Variants in AGO1 observed in about 807,000 individuals in gnomAD.
AGO1 encodes the protein argonaute RISC component 1.
AGO1 carries 11 observed loss-of-function variants against 109.2 expected under a neutral mutation model. The observed-to-expected ratio is 0.10, with a 90% CI of 0.06 to 0.17. The LOEUF is 0.17. Among genes scored for constraint, AGO1 ranks in the 10% least tolerant of loss-of-function variants. The pLI, the probability that AGO1 is intolerant of heterozygous loss-of-function variation, is 1.00. For missense variants in AGO1, 574 were observed against 1,140.3 expected (o/e 0.50, Z 7.15); for synonymous variants, 422 against 418.6 (o/e 1.01, Z -0.10).
Position 35,923,257 on chromosome 1 carries a change from T to C in AGO1, c.*3650T>C, listed in dbSNP as rs184309288. The C allele has an allele frequency of 6.6e-6, 1 of 152,330 alleles. No individual in the cohort carries two copies. Among genetic ancestry groups the C allele is most frequent in the East Asian group, 1.9e-4 (1 of 5,188 alleles). The allele number at this position is 152,330 out of a possible 1,614,324, so 9.4% of individuals were successfully genotyped here. ...AGATAGCTTCTCTGTGGCCTCCTAT[T>C]TAGCTAAGCAGCAGTGTTTTTGGAT... On this transcript the variant is annotated 3_prime_UTR_variant, in exon 19 of 19. Transcript: ENST00000373204.
intron 8 of AGO1, among the ~76,000 whole-genome samples, chr1:35,897,937 A>G (rs1279921057): frequency 6.6e-6 from 1 of 152,200 alleles, no homozygotes; most frequent in African/African-American, 2.4e-5. Flanking sequence ...AGCCTGTAGT[A>G]ACCACTAATT....
chr1:35,918,017 C>T (rs1188389635), intron 16 of AGO1, among the ~76,000 whole-genome samples: 1 of 151,446 alleles, frequency 6.6e-6, no homozygotes, highest in Non-Finnish European at 1.5e-5. Flanking sequence ...TTATTGAACT[C>T]CTCCTATGTG....
intron 1 of AGO1, among the ~76,000 whole-genome samples, chr1:35,876,561 C>T (rs752974327): frequency 1.6e-4 from 25 of 152,216 alleles, no homozygotes; most frequent in Admixed American, 2.6e-4. Context: ...CCACTGTGCC[C>T]GGCTGGAAAT....
In AGO1 at chr1:35,921,633, A is replaced by G. The variant is rs768629161; in HGVS notation, c.*2026A>G. ...ATTTCCTCCCCTTAGCTGCCCTTGT[A>G]TGACCCGGATTTGCTATGCAAAACA... is the stretch of plus-strand genomic sequence containing the variant. On this transcript the variant is annotated 3_prime_UTR_variant, in exon 19 of 19. Coordinates refer to ENST00000373204, the MANE Select transcript of AGO1 (RefSeq NM_012199.5). 5 of 152,636 alleles carry G rather than the reference A, an allele frequency of 3.3e-5. No individual in the cohort carries two copies. Among genetic ancestry groups the G allele is most frequent in the African/African-American group, 4.8e-5 (2 of 41,428 alleles). The allele number at this position is 152,636 out of a possible 1,614,324, so 9.5% of individuals were successfully genotyped here.
intron 11 of AGO1, among the ~76,000 whole-genome samples, chr1:35,906,211 G>C (rs1645516561): frequency 6.6e-6 from 1 of 152,210 alleles, no homozygotes; most frequent in Non-Finnish European, 1.5e-5. Context: ...AACCAGTTGG[G>C]AAGGAGGGAA....
intron 1 of AGO1, among the ~76,000 whole-genome samples, chr1:35,877,271 C>A (rs1354138722): frequency 2.0e-5 from 3 of 152,174 alleles, no homozygotes; most frequent in Non-Finnish European, 4.4e-5. Context: ...TCTCTAGCTT[C>A]TTTTCTCAGT....
intron 12 of AGO1, among the ~76,000 whole-genome samples, chr1:35,913,253 T>C (rs181100582): frequency 5.9e-5 from 9 of 152,156 alleles, no homozygotes; most frequent in Non-Finnish European, 1.2e-4. Flanking sequence ...TCTCCTGACC[T>C]CATGATCCAC....
intron 2 of AGO1, among the ~76,000 whole-genome samples, chr1:35,890,963 A>G (rs1645206789): frequency 6.6e-6 from 1 of 152,226 alleles, no homozygotes; most frequent in Non-Finnish European, 1.5e-5. Context: ...ATGCACACAC[A>G]TATAAATATG....
chr1:35,885,731 G>A (rs1645110433), intron 1 of AGO1, among the ~76,000 whole-genome samples: 1 of 152,258 alleles, frequency 6.6e-6, no homozygotes, highest in Non-Finnish European at 1.5e-5. Flanking sequence ...ACAGTGGACT[G>A]GGTGCTCCCT....
chr1:35,919,458 C>A lies in AGO1; in HGVS notation c.2466-41C>A. On this transcript the variant is annotated intron_variant, in intron 18 of 18. Transcript: ENST00000373204. The surrounding 1 kb of genome is among the most constrained non-coding windows in gnomAD (Gnocchi z 6.6). ...GGGCGAGGGAATTAGCAGCAGCTCT[C>A]AGTTCACCAGGAAGGACTTCTTTCA... 6.4e-7 allele frequency: 1 copy of A among 1,567,434 alleles called. No homozygotes were observed. Among genetic ancestry groups the A allele is most frequent in the Non-Finnish European group, 8.7e-7 (1 of 1,149,206 alleles).
chr1:35,882,130 A>G (rs1191391568), upstream of AGO1, among the ~76,000 whole-genome samples: 1 of 152,238 alleles, frequency 6.6e-6, no homozygotes, highest in Non-Finnish European at 1.5e-5. The surrounding 1 kb of genome is among the most constrained non-coding windows in gnomAD (Gnocchi z 5.1). Flanking sequence ...CAGGGCAAGT[A>G]TGTTTGTGAG....
intron 1 of AGO1, among the ~76,000 whole-genome samples, chr1:35,885,010 A>G (rs957437779): frequency 1.6e-5 from 2 of 121,896 alleles, no homozygotes; most frequent in Admixed American, 1.7e-4. Context: ...CCACCCTCCC[A>G]AGGAAATAGC....
intron 2 of AGO1, among the ~76,000 whole-genome samples, chr1:35,892,297 T>C (rs1376299862): frequency 6.6e-6 from 1 of 152,226 alleles, no homozygotes; most frequent in Admixed American, 6.5e-5. Context: ...CTTGGTGATC[T>C]GAGGACCAGC....
chr1:35,888,220 T>A lies in AGO1; in HGVS notation c.26-207T>A, dbSNP rs757879873. 6.6e-6 allele frequency among the ~76,000 whole-genome samples: 1 copy of A among 152,158 alleles called. No homozygotes were observed. The highest frequency in any genetic ancestry group is 1.5e-5 in the Non-Finnish European group (1 of 68,042). ...AAATAGACAATAAGGATAATTTTCC[T>A]AACTGGAGAGAGATTAAAAAAGAAA... On this transcript the variant is annotated intron_variant, in intron 1 of 18. Transcript: ENST00000373204. The surrounding 1 kb of genome is among the most constrained non-coding windows in gnomAD (Gnocchi z 4.1).
chr1:35,875,419 T>G (rs919486469), intron 1 of AGO1, among the ~76,000 whole-genome samples: 2 of 152,090 alleles, frequency 1.3e-5, no homozygotes, highest in Non-Finnish European at 2.9e-5. Context: ...ACTGATTTAT[T>G]TATTTATTTT....
chr1:35,898,817 T>C (rs1429830707), intron 8 of AGO1, among the ~76,000 whole-genome samples: 1 of 152,234 alleles, frequency 6.6e-6, no homozygotes, highest in African/African-American at 2.4e-5. Context: ...ATGTAGGTCA[T>C]TGAGTGTCCA....
At chr1:35,890,413 A>G (rs1166191138) in intron 2 of AGO1, among the ~76,000 whole-genome samples, 1 of 152,142 alleles carries the variant, frequency 6.6e-6, no homozygotes, top group Non-Finnish European at 1.5e-5. Context: ...CACCCAAAAC[A>G]TAGGGTTCTT....
chr1:35,918,479 A>T (rs1645774374), intron 17 of AGO1, 56 bp downstream of exon 17: 1 of 1,311,448 alleles, frequency 7.6e-7, no homozygotes, highest in Non-Finnish European at 1.1e-6. Context: ...GTTCATTCAT[A>T]TTGCCTCTAG....
At chr1:35,910,170 A>G (rs1436157272) in intron 12 of AGO1, among the ~76,000 whole-genome samples, 4 of 147,040 alleles carry the variant, frequency 2.7e-5, no homozygotes, top group African/African-American at 7.4e-5. Context: ...GCCAGCAGAA[A>G]AGAGTACCAG....
Sources: gnomAD v4.1 joint callset for allele counts (sites outside exome capture counted in the v4.1 genomes callset) on GRCh38, gnomAD v4.1.1 for gene constraint, Gnocchi (gnomAD v3.1) non-coding constraint, MANE v1.5 for transcripts, NCBI Gene and HGNC (gene_info 2026-07-23, HGNC 2026-07-21) for gene names.